KHDRBS2: variants seen among roughly 807,000 people sequenced by gnomAD.
KHDRBS2 encodes the protein KH domain-containing, RNA-binding, signal transduction-associated protein 2.
Under a neutral mutation model 44.3 loss-of-function variants are expected in KHDRBS2, and 26 were observed. The observed-to-expected ratio is 0.59, with a 90% CI of 0.43 to 0.81. The LOEUF is 0.81. Among genes scored for constraint, KHDRBS2 ranks in the 40% least tolerant of loss-of-function variants. The pLI is 0.00. For synonymous variants in KHDRBS2, 194 were observed against 151.1 expected, an observed-to-expected ratio of 1.28 and a Z score of -2.08; for missense variants, 476 against 433.1, an observed-to-expected ratio of 1.10 and a Z score of -0.88.
intron 1 of KHDRBS2, among the ~76,000 whole-genome samples, chr6:62,209,120 T>G (rs1828572662): frequency 6.6e-6 from 1 of 152,116 alleles, no homozygotes; most frequent in South Asian, 2.1e-4. Flanking sequence ...AGGTTAATAT[T>G]CAAAATTTAT....
At chr6:62,074,813 T>C (rs1408852877) in intron 2 of KHDRBS2, among the ~76,000 whole-genome samples, 1 of 151,884 alleles carries the variant, frequency 6.6e-6, no homozygotes, top group Non-Finnish European at 1.5e-5. Context: ...TATTTTATTA[T>C]AGTTTCAACA....
At chr6:61,817,704 T>C (rs996854558) in intron 6 of KHDRBS2, among the ~76,000 whole-genome samples, 1 of 152,096 alleles carries the variant, frequency 6.6e-6, no homozygotes, top group Non-Finnish European at 1.5e-5. Flanking sequence ...TGGTTTTGTA[T>C]ACAATGCCCT....
intron 1 of KHDRBS2, among the ~76,000 whole-genome samples, chr6:62,208,458 C>A (rs1828424435): frequency 6.6e-6 from 1 of 152,102 alleles, no homozygotes; most frequent in Admixed American, 6.6e-5. Flanking sequence ...CATATTACCA[C>A]ATTTTCTTTA....
At chr6:61,740,029 C>A (rs528298062) in intron 6 of KHDRBS2, among the ~76,000 whole-genome samples, 1 of 151,776 alleles carries the variant, frequency 6.6e-6, no homozygotes, top group Non-Finnish European at 1.5e-5. Context: ...GTCACCTCTG[C>A]TCTTGGTTAC....
intron 2 of KHDRBS2, among the ~76,000 whole-genome samples, chr6:62,128,535 C>A (rs988008289): frequency 7.5e-6 from 1 of 132,610 alleles, no homozygotes; most frequent in South Asian, 2.5e-4. Flanking sequence ...CTCTAAATTT[C>A]TTTTAATGAT....
rs146988795 is a variant in KHDRBS2 at position 61,728,997 on chromosome 6, AAATC to A, written c.893+3681_893+3684del. 1.8e-3 allele frequency among the ~76,000 whole-genome samples: 281 copies of A among 152,328 alleles called. 7 individuals carry two copies. In the East Asian group the frequency reaches 0.047, roughly 26 times the overall value. The stretch of plus-strand genomic sequence containing the variant: ...ATTGGGCATATACCAAAAGGAATAT[AAATC>A]ATTCTGTTATAAAGACACATGCACT... On this transcript the variant is annotated intron_variant, in intron 7 of 8. Coordinates refer to ENST00000281156, the MANE Select transcript of KHDRBS2 (RefSeq NM_152688.4).
At chr6:61,561,481 G>A in the KHDRBS2 span, among the ~76,000 whole-genome samples, 1 of 152,160 alleles carries the variant, frequency 6.6e-6, no homozygotes, top group Non-Finnish European at 1.5e-5. Context: ...CTGTCTGGGA[G>A]CCAGGACCTA....
chr6:62,212,777 A>C (rs1196991567), intron 1 of KHDRBS2, among the ~76,000 whole-genome samples: 1 of 152,130 alleles, frequency 6.6e-6, no homozygotes, highest in African/African-American at 2.4e-5. Flanking sequence ...TTAGTTTCAG[A>C]CTTCTGGCCT....
chr6:61,775,272 G>A (rs2127578775), intron 6 of KHDRBS2, among the ~76,000 whole-genome samples: 1 of 152,106 alleles, frequency 6.6e-6, no homozygotes, highest in East Asian at 1.9e-4. Context: ...ACTAAACATA[G>A]TATTGGAATT....
Position 61,739,354 on chromosome 6 carries a change from A to G in KHDRBS2, c.811-6590T>C, listed in dbSNP as rs187414362. ...CCAGTAAAATGAAAGTGAAATCTCA[A>G]ATATGTATGTCAGAATCTTACTTGT... On this transcript the variant is annotated intron_variant, in intron 6 of 8. Transcript: ENST00000281156. 1.7e-3 allele frequency among the ~76,000 whole-genome samples: 252 copies of G among 152,016 alleles called. 1 individual carries two copies. Among genetic ancestry groups the G allele is most frequent in the Non-Finnish European group, 2.6e-3 (173 of 67,822 alleles).
At chr6:61,940,624 A>G (rs755835772) in intron 4 of KHDRBS2, among the ~76,000 whole-genome samples, 2 of 152,152 alleles carry the variant, frequency 1.3e-5, no homozygotes, top group Non-Finnish European at 2.9e-5. Flanking sequence ...AAGAAGCTCA[A>G]TCAGCTATAG....
chr6:62,048,681 G>A (rs1788291022), intron 2 of KHDRBS2, among the ~76,000 whole-genome samples: 1 of 151,814 alleles, frequency 6.6e-6, no homozygotes, highest in Non-Finnish European at 1.5e-5. Context: ...AAATTCTGGG[G>A]TTCCACATAA....
intron 2 of KHDRBS2, among the ~76,000 whole-genome samples, chr6:62,138,446 T>A (rs1288128739): frequency 6.6e-6 from 1 of 152,236 alleles, no homozygotes; most frequent in African/African-American, 2.4e-5. Flanking sequence ...TGTGAAATTG[T>A]GTTAAAGCAA....
intron 2 of KHDRBS2, among the ~76,000 whole-genome samples, chr6:62,128,544 A>ATCTCTC (rs5876776): frequency 5.4e-5 from 8 of 148,774 alleles, no homozygotes; most frequent in South Asian, 2.1e-4. Context: ...TCTTTTAATG[A>ATCTCTC]TCTCTCTCTC....
chr6:61,785,239 G>A (rs1036694921), intron 6 of KHDRBS2, among the ~76,000 whole-genome samples: 1 of 151,716 alleles, frequency 6.6e-6, no homozygotes, highest in African/African-American at 2.4e-5. Context: ...ATGCTACTCA[G>A]AATCTAATAC....
chr6:62,100,817 CA>C (rs1297616286), intron 2 of KHDRBS2, among the ~76,000 whole-genome samples: 1 of 152,098 alleles, frequency 6.6e-6, no homozygotes, highest in Non-Finnish European at 1.5e-5. Context: ...GACTTTAGTA[CA>C]ATATTCATTT....
At chr6:62,079,883 AC>A (rs1256193895) in intron 2 of KHDRBS2, among the ~76,000 whole-genome samples, 1 of 152,082 alleles carries the variant, frequency 6.6e-6, no homozygotes, top group Non-Finnish European at 1.5e-5. Context: ...ATAAAATCAT[AC>A]AATATAACAG....
rs371595813 is a variant in KHDRBS2 at position 61,945,150 on chromosome 6, T to TATATACAC, written c.483+32915_483+32916insGTGTATAT. Among the ~76,000 whole-genome samples, 300 of 86,958 alleles carry TATATACAC rather than the reference T, an allele frequency of 3.4e-3. 10 individuals are homozygous for TATATACAC. Among genetic ancestry groups the TATATACAC allele is most frequent in the Middle Eastern group, 0.015 (2 of 134 alleles). 57.0% of individuals were successfully genotyped at this position (86,958 alleles called of 152,430 possible). ...ATATATATATATATATATATATATA[T>TATATACAC]ACACACAGACTTGTCTTGATAAAGT... On this transcript the variant is annotated intron_variant, in intron 4 of 8. Transcript: ENST00000281156.
chr6:61,810,277 G>A (rs1189183892), intron 6 of KHDRBS2, among the ~76,000 whole-genome samples: 5 of 152,018 alleles, frequency 3.3e-5, no homozygotes, highest in Non-Finnish European at 7.4e-5. Flanking sequence ...GAAGGGACAT[G>A]ATCAAGTGAC....
Sources: gnomAD v4.1 joint callset for allele counts (sites outside exome capture counted in the v4.1 genomes callset) on GRCh38, gnomAD v4.1.1 for gene constraint, MANE v1.5 for transcripts, NCBI Gene and HGNC (gene_info 2026-07-23, HGNC 2026-07-21) for gene names.